The following PSME3IP1 variants were observed in gnomAD, a reference collection of about 807,000 sequenced individuals.
PSME3IP1 encodes PSME3-interacting protein.
PSME3IP1 carries 13 observed loss-of-function variants against 34.1 expected under a neutral mutation model. The observed-to-expected ratio is 0.38, with a 90% CI of 0.25 to 0.61. The LOEUF (loss-of-function observed/expected upper bound fraction) is 0.61. Among genes scored for constraint, PSME3IP1 ranks in the 20% least tolerant of loss-of-function variants. PSME3IP1 has a pLI of 0.60. For missense variants in PSME3IP1, 237 were observed against 301.4 expected, an observed-to-expected ratio of 0.79 and a Z score of 1.58; for synonymous variants, 93 against 114.3, an observed-to-expected ratio of 0.81 and a Z score of 1.19.
chr16:57,178,657 G>A (rs564012222), intron 1 of PSME3IP1: 94 of 985,144 alleles, frequency 9.5e-5, no homozygotes, highest in African/African-American at 4.7e-4. Context: ...CTATTCAAAC[G>A]CCATACAATT....
intron 1 of PSME3IP1, 119 bp downstream of exon 1, chr16:57,185,702 G>A (rs113153910): frequency 0.036 from 35,313 of 985,488 alleles, 687 homozygotes; most frequent in Middle Eastern, 0.08. Context: ...GACAAGGAGC[G>A]GGTGCGCGGA....
rs192250224 is a variant in PSME3IP1, at chr16:57,185,599, G to C, written c.-16+222C>G. ...ACGCCCGGCAGTGTTGGGCCCGCCT[G>C]AAAGGGTCCTCGCCGCGACCCAGAT... On this transcript the variant is annotated intron_variant, in intron 1 of 6. Coordinates refer to ENST00000309137, the MANE Select transcript of PSME3IP1 (RefSeq NM_024946.4). 39 of 985,528 alleles carry C rather than the reference G, an allele frequency of 4.0e-5. No homozygotes were observed. In the African/African-American group the frequency reaches 5.1e-4, roughly 13 times the overall value. 61.0% of individuals were successfully genotyped at this position (985,528 alleles called of 1,614,324 possible). A position where few individuals can be genotyped will look rare whatever the true frequency, so the allele number is the denominator to read the frequency against.
In PSME3IP1 at chr16:57,167,244, G is replaced by C. The variant is rs566096569; in HGVS notation, c.349-18C>G. The stretch of plus-strand genomic sequence containing the variant: ...AGGTTATTGTGAGTTACCAGTTAAG[G>C]GTCAAACTAAGCAAAAGGGAAGACA... On this transcript the variant is annotated intron_variant, in intron 4 of 6. Coordinates refer to ENST00000309137, the MANE Select transcript of PSME3IP1 (RefSeq NM_024946.4). The C allele has an allele frequency of 1.8e-4, 298 of 1,614,080 alleles. 2 individuals carry two copies. The South Asian group carries it at 3.1e-3, about 17-fold the overall frequency.
In PSME3IP1 at chr16:57,173,868, A is replaced by G. The variant is rs760351431; in HGVS notation, c.-14T>C. On this transcript the variant is annotated splice_region_variant and 5_prime_UTR_variant, in exon 2 of 7. Transcript: ENST00000309137. ...CCCTCCATCCATAATGAAACAACCA[A>G]TCTACAAAACAAAAACAAAAACAAA... The G allele has an allele frequency of 1.9e-6, 3 of 1,606,904 alleles. No homozygotes were observed. In the South Asian group the frequency reaches 3.4e-5, roughly 18 times the overall value.
chr16:57,162,485 C>A (rs932157089), intron 6 of PSME3IP1, among the ~76,000 whole-genome samples: 2 of 149,198 alleles, frequency 1.3e-5, no homozygotes, highest in Non-Finnish European at 3.0e-5. Flanking sequence ...GCCAACATGG[C>A]GAAATCCCGT....
In PSME3IP1 at chr16:57,152,493, T is replaced by C. The variant is rs1482476318; in HGVS notation, c.*1797A>G. ...TTGTTCTCTGACAGGTTTATTAGCT[T>C]TCATGTTAATGGATGTTTTTAAACC... is the stretch of plus-strand genomic sequence containing the variant. On this transcript the variant is annotated 3_prime_UTR_variant, in exon 7 of 7. Transcript: ENST00000309137. The C allele has an allele frequency of 6.6e-6, 1 of 152,222 alleles. No homozygotes were observed. The highest frequency in any genetic ancestry group is 1.5e-5 in the Non-Finnish European group (1 of 68,040). 9.4% of individuals were successfully genotyped at this position (152,222 alleles called of 1,614,324 possible).
chr16:57,159,768 G>A (rs2071006158), intron 6 of PSME3IP1, among the ~76,000 whole-genome samples: 1 of 152,196 alleles, frequency 6.6e-6, no homozygotes, highest in African/African-American at 2.4e-5. Context: ...ATCCACACAA[G>A]TTTTCCTTTC....
chr16:57,156,368 C>T (rs1447540225), intron 6 of PSME3IP1, among the ~76,000 whole-genome samples: 5 of 152,208 alleles, frequency 3.3e-5, no homozygotes, highest in African/African-American at 9.7e-5. Flanking sequence ...CTCATTTACC[C>T]AGACACCTCA....
chr16:57,168,421 T>G (rs554289282), intron 4 of PSME3IP1, among the ~76,000 whole-genome samples: 1 of 152,266 alleles, frequency 6.6e-6, no homozygotes, highest in East Asian at 1.9e-4. Context: ...TTAGATATAA[T>G]GCTTAGTACT....
chr16:57,160,729 T>C (rs1023255735), intron 6 of PSME3IP1, among the ~76,000 whole-genome samples: 1 of 152,238 alleles, frequency 6.6e-6, no homozygotes, highest in African/African-American at 2.4e-5. Flanking sequence ...TGTCCAGTTA[T>C]GCAATGATTC....
intron 1 of PSME3IP1, among the ~76,000 whole-genome samples, chr16:57,182,676 G>A (rs1038590464): frequency 7.2e-6 from 1 of 139,074 alleles, no homozygotes; most frequent in African/African-American, 2.8e-5. Flanking sequence ...CTGGGAGACT[G>A]AGGCAGGTGG....
intron 1 of PSME3IP1, among the ~76,000 whole-genome samples, chr16:57,175,126 T>C (rs1226336244): frequency 6.6e-6 from 1 of 151,902 alleles, no homozygotes; most frequent in African/African-American, 2.4e-5. Context: ...GCGATTCTCC[T>C]GCCTCCGCCT....
At chr16:57,163,034 G>T (rs141519123) in intron 6 of PSME3IP1, among the ~76,000 whole-genome samples, 1 of 151,996 alleles carries the variant, frequency 6.6e-6, no homozygotes, top group Non-Finnish European at 1.5e-5. Context: ...GTGTGGTGGC[G>T]CACGCCTGTA....
intron 1 of PSME3IP1, among the ~76,000 whole-genome samples, chr16:57,176,788 T>C (rs963385324): frequency 1.3e-5 from 2 of 152,178 alleles, no homozygotes; most frequent in Non-Finnish European, 2.9e-5. Flanking sequence ...ACCTGGGAAA[T>C]AAATACTAGG....
intron 4 of PSME3IP1, 100 bp downstream of exon 4, chr16:57,172,151 C>A: frequency 7.9e-7 from 1 of 1,269,970 alleles, no homozygotes; most frequent in Non-Finnish European, 1.1e-6. Flanking sequence ...GAGAGATCAC[C>A]AGGTAGAAAA....
At chr16:57,182,888 C>T (rs1412740184) in intron 1 of PSME3IP1, among the ~76,000 whole-genome samples, 2 of 151,936 alleles carry the variant, frequency 1.3e-5, no homozygotes, top group African/African-American at 2.4e-5. Context: ...CCAGCCTGCG[C>T]GAAGTGGGCG....
chr16:57,182,470 C>T (rs2073803222), intron 1 of PSME3IP1, among the ~76,000 whole-genome samples: 1 of 128,262 alleles, frequency 7.8e-6, no homozygotes. Context: ...CCCAGTTACT[C>T]AGGAGGCTGA....
intron 3 of PSME3IP1, 54 bp from the exon 4 acceptor site, chr16:57,172,426 T>G: frequency 6.4e-7 from 1 of 1,574,432 alleles, no homozygotes; most frequent in Non-Finnish European, 8.6e-7. Context: ...AAAAATAAGA[T>G]TTTTCCTTTC....
chr16:57,167,761 A>T (rs568990743), intron 4 of PSME3IP1, among the ~76,000 whole-genome samples: 105 of 152,168 alleles, frequency 6.9e-4, no homozygotes, highest in African/African-American at 2.5e-3. Context: ...CCCCAAACCT[A>T]CTGAATGAGA....
Sources: allele counts gnomAD v4.1 joint callset (sites outside exome capture counted in the v4.1 genomes callset), GRCh38; gene constraint gnomAD v4.1.1; transcripts MANE v1.5; gene names NCBI Gene and HGNC (gene_info 2026-07-23, HGNC 2026-07-21).